The following USP25 variants were observed in gnomAD, a reference collection of about 807,000 sequenced individuals.
USP25 encodes ubiquitin specific peptidase 25.
A neutral mutation model predicts 158.5 loss-of-function variants in USP25; 85 were observed. The observed-to-expected ratio is 0.54, with a 90% CI of 0.45 to 0.64. The LOEUF (loss-of-function observed/expected upper bound fraction) is 0.64. Ranked by LOEUF, USP25 falls within the 30% of genes least tolerant of loss-of-function variation. The probability of loss-of-function intolerance (pLI) is 0.00; values close to 1 mark genes in which losing one functional copy is unlikely to be tolerated. For synonymous variants in USP25, 464 were observed against 460.4 expected (o/e 1.01, Z -0.10); for missense variants, 1,242 against 1,327.3 (o/e 0.94, Z 1.00).
chr21:15,846,158 A>ATT (rs397973617), intron 18 of USP25, among the ~76,000 whole-genome samples: 843 of 23,920 alleles, frequency 0.035, 64 homozygotes, highest in Non-Finnish European at 0.046. Context: ...ATATATATAT[A>ATT]TTTTTTTTTT....
At chr21:15,852,267 T>C (rs75476139) in intron 20 of USP25, among the ~76,000 whole-genome samples, 11,709 of 152,100 alleles carry the variant, frequency 0.077, 505 homozygotes, top group East Asian at 0.092. Flanking sequence ...CTTTTTTTTT[T>C]CTGCTGGAAA....
chr21:15,812,903 C>T (rs148916555), intron 9 of USP25, among the ~76,000 whole-genome samples: 363 of 151,950 alleles, frequency 2.4e-3, no homozygotes, highest in African/African-American at 8.4e-3. Context: ...GCCAAAGTAC[C>T]CCCACTGCAA....
rs1291882498 is a variant in USP25, at chr21:15,843,049, G to C, written c.2337+509G>C. Among the ~76,000 whole-genome samples the C allele has an allele frequency of 1.3e-5, 2 of 151,962 alleles. No individual in the cohort carries two copies. The highest frequency in any genetic ancestry group is 2.9e-5 in the Non-Finnish European group (2 of 67,996). On this transcript the variant is annotated intron_variant, in intron 18 of 25. Coordinates refer to ENST00000400183, the MANE Select transcript of USP25 (RefSeq NM_001283041.3). This position sits in a 1 kb window ranked among gnomAD's most constrained non-coding sequence, Gnocchi z 4.0. ...AGGATAAGTAGGATGTTGCAAAACT[G>C]TTTGTGAATATTTTAAGAACGTCCT...
chr21:15,862,309 AT>A (rs1372216307), intron 20 of USP25, among the ~76,000 whole-genome samples: 1 of 152,130 alleles, frequency 6.6e-6, no homozygotes, highest in Non-Finnish European at 1.5e-5. Flanking sequence ...GGAAATGTTC[AT>A]TGGAGTATCA....
chr21:15,874,163 C>G (rs552706520), intron 23 of USP25, among the ~76,000 whole-genome samples: 4 of 152,196 alleles, frequency 2.6e-5, no homozygotes, highest in South Asian at 2.1e-4. Context: ...CCTCTTTTCC[C>G]AGATTTTTTC....
At chr21:15,845,039 A>G (rs971570052) in intron 18 of USP25, among the ~76,000 whole-genome samples, 2 of 152,048 alleles carry the variant, frequency 1.3e-5, no homozygotes, top group African/African-American at 4.8e-5. Context: ...ATTTCAGGTT[A>G]TTTCCTTAGA....
At chr21:15,842,264 G>A in intron 17 of USP25, 134 bp from the exon 18 acceptor site, 1 of 907,970 alleles carries the variant, frequency 1.1e-6, no homozygotes, top group Non-Finnish European at 1.6e-6. Flanking sequence ...TACGTGGAAA[G>A]ATATATTTTA....
intron 10 of USP25, 98 bp downstream of exon 10, chr21:15,818,944 TGA>T: frequency 2.2e-6 from 3 of 1,350,632 alleles, no homozygotes; most frequent in Non-Finnish European, 3.0e-6. Context: ...ACCTAATAAT[TGA>T]GAGAGAATAC....
At chr21:15,847,290 A>G (rs2038666969) in intron 18 of USP25, among the ~76,000 whole-genome samples, 1 of 152,188 alleles carries the variant, frequency 6.6e-6, no homozygotes, top group East Asian at 1.9e-4. Flanking sequence ...ATACAACTCC[A>G]CTATTTTTTA....
chr21:15,874,308 C>T lies in USP25; in HGVS notation c.2886-95C>T, dbSNP rs1001098904. ...TTTATTATAATGTAGATTATCAAAACTTAAGCATATACTTAAAATGTTTCA... is the reference window on the plus strand; with the variant it reads ...TTTATTATAATGTAGATTATCAAAATTTAAGCATATACTTAAAATGTTTCA... On this transcript the variant is annotated intron_variant, in intron 23 of 25. Transcript: ENST00000400183. The T allele has an allele frequency of 5.3e-6, 6 of 1,142,410 alleles. No individual in the cohort carries two copies. In the African/African-American group the frequency reaches 6.4e-5, roughly 12 times the overall value. 70.8% of individuals were successfully genotyped at this position (1,142,410 alleles called of 1,614,324 possible).
intron 18 of USP25, among the ~76,000 whole-genome samples, chr21:15,845,160 T>C (rs1478610823): frequency 1.3e-5 from 2 of 152,176 alleles, no homozygotes; most frequent in African/African-American, 4.8e-5. Flanking sequence ...CACATTAATG[T>C]GGCCGTGGAC....
chr21:15,861,757 T>C (rs1006734635), intron 20 of USP25, among the ~76,000 whole-genome samples: 4 of 152,070 alleles, frequency 2.6e-5, no homozygotes, highest in African/African-American at 9.7e-5. Flanking sequence ...AGAAGGTAAT[T>C]TCTTAAGAAG....
At position 15,766,585 on chromosome 21, in the gene USP25, A is replaced by C. The variant is rs1388184051; in HGVS notation, c.268+444A>C. On this transcript the variant is annotated intron_variant, in intron 3 of 25. Transcript: ENST00000400183. The surrounding 1 kb of genome is among the most constrained non-coding windows in gnomAD (Gnocchi z 4.0). ...CTTCCAAATAAAGCTTTGGCAAAGAAGTTTATTATTGTGTAATGAAATTGC... is the reference window on the plus strand; with the variant it reads ...CTTCCAAATAAAGCTTTGGCAAAGACGTTTATTATTGTGTAATGAAATTGC... Among the ~76,000 whole-genome samples the C allele has an allele frequency of 6.6e-6, 1 of 152,040 alleles. No homozygotes were observed. The highest frequency in any genetic ancestry group is 1.5e-5 in the Non-Finnish European group (1 of 67,956).
intron 16 of USP25, among the ~76,000 whole-genome samples, chr21:15,832,861 CA>C (rs1241532859): frequency 6.6e-6 from 1 of 151,938 alleles, no homozygotes; most frequent in Admixed American, 6.6e-5. Flanking sequence ...ACTAAAAATA[CA>C]AAAAAATTAG....
Position 15,793,001 on chromosome 21 carries a change from G to A in USP25, c.555+1337G>A, listed in dbSNP as rs958200798. On this transcript the variant is annotated intron_variant, in intron 5 of 25. Transcript: ENST00000400183. ...TAGAGATTCTTAGATCATCTTAATAGGCTATCTCACTTTACTTGCGCTATC... is the reference window on the plus strand; with the variant it reads ...TAGAGATTCTTAGATCATCTTAATAAGCTATCTCACTTTACTTGCGCTATC... Among the ~76,000 whole-genome samples the A allele has an allele frequency of 7.3e-5, 11 of 151,582 alleles. No individual in the cohort carries two copies. The East Asian group carries it at 1.9e-3, about 27-fold the overall frequency.
At chr21:15,776,772 T>A (rs1343598021) in intron 3 of USP25, among the ~76,000 whole-genome samples, 2 of 152,078 alleles carry the variant, frequency 1.3e-5, no homozygotes, top group Non-Finnish European at 2.9e-5. Context: ...CTCAGGAGTT[T>A]GAGATTGCAG....
At chr21:15,731,437 G>A (rs932615851) in intron 1 of USP25, among the ~76,000 whole-genome samples, 1 of 152,124 alleles carries the variant, frequency 6.6e-6, no homozygotes, top group Non-Finnish European at 1.5e-5. Context: ...AGTAATGAAT[G>A]CCCCACCCTG....
At chr21:15,796,852 C>G (rs1185882071) in intron 5 of USP25, among the ~76,000 whole-genome samples, 2 of 151,210 alleles carry the variant, frequency 1.3e-5, no homozygotes, top group African/African-American at 4.8e-5. Context: ...AAAAAATGGA[C>G]AATAGAAAAC....
At chr21:15,856,943 A>G (rs1041795685) in intron 20 of USP25, among the ~76,000 whole-genome samples, 2 of 152,216 alleles carry the variant, frequency 1.3e-5, no homozygotes, top group African/African-American at 4.8e-5. Context: ...ACAAATTTGA[A>G]GAAAGTTAAT....
Sources: gnomAD v4.1 joint callset for allele counts (sites outside exome capture counted in the v4.1 genomes callset) on GRCh38, gnomAD v4.1.1 for gene constraint, Gnocchi (gnomAD v3.1) non-coding constraint, MANE v1.5 for transcripts, NCBI Gene and HGNC (gene_info 2026-07-23, HGNC 2026-07-21) for gene names.